The following SPARCL1 variants were observed in gnomAD, a reference collection of about 807,000 sequenced individuals.
The protein encoded by SPARCL1 is SPARC-like protein 1.
A neutral mutation model predicts 67.1 loss-of-function variants in SPARCL1; 52 were observed. The ratio of observed to expected loss-of-function variants is 0.78; its 90% CI spans 0.62 to 0.98. The LOEUF (loss-of-function observed/expected upper bound fraction) is 0.98. Ranked by LOEUF, SPARCL1 falls within the 50% of genes least tolerant of loss-of-function variation. SPARCL1 has a pLI of 0.00. For missense variants in SPARCL1, 717 were observed against 782.4 expected, an observed-to-expected ratio of 0.92 and a Z score of 1.00; for synonymous variants, 226 against 267.8, an observed-to-expected ratio of 0.84 and a Z score of 1.52.
chr4:87,475,444 T>A (rs756798307), intron 10 of SPARCL1, among the ~76,000 whole-genome samples: 1 of 152,198 alleles, frequency 6.6e-6, no homozygotes, highest in Non-Finnish European at 1.5e-5. Context: ...CTATCCATCA[T>A]CTAGATGTTG....
chr4:87,477,011 A>AT (rs553854024), intron 10 of SPARCL1, among the ~76,000 whole-genome samples: 99 of 152,246 alleles, frequency 6.5e-4, no homozygotes, highest in African/African-American at 2.3e-3. Context: ...TTATGTGATA[A>AT]TTTTTTCCTT....
intron 10 of SPARCL1, among the ~76,000 whole-genome samples, chr4:87,475,578 T>C (rs1723553299): frequency 6.6e-6 from 1 of 152,184 alleles, no homozygotes; most frequent in South Asian, 2.1e-4. Flanking sequence ...TCCTCAAATA[T>C]GCATTTCAGT....
rs776175073 is a variant in SPARCL1 at position 87,491,686 on chromosome 4, T to C, written c.1223A>G (p.Lys408Arg). 6.2e-7 allele frequency: 1 copy of C among 1,612,648 alleles called. No homozygotes were observed. ...TTEPGEHQEA[K>R]KAENSSNEEE... is the part of the protein sequence containing the mutation. ...CTCATTTGATGAGTTCTCTGCTTTC[T>C]TGGCCTTTAGAATAACAAGAGCAAA... is the stretch of plus-strand genomic sequence containing the variant. Residue 408 changes from lysine to arginine, a missense_variant, in exon 5 of 11, where the codon AAG becomes AGG. Physicochemically the swap from Lys to Arg is conservative, Grantham distance 26. Transcript: ENST00000282470.
At chr4:87,488,447 C>G (rs1463100266) in intron 7 of SPARCL1, among the ~76,000 whole-genome samples, 4 of 152,170 alleles carry the variant, frequency 2.6e-5, no homozygotes, top group Non-Finnish European at 5.9e-5. Flanking sequence ...AACATTGCTG[C>G]CTGTTCCTTC....
intron 9 of SPARCL1, 98 bp downstream of exon 9, chr4:87,480,274 G>T: frequency 9.1e-7 from 1 of 1,102,630 alleles, no homozygotes; most frequent in Non-Finnish European, 1.2e-6. Context: ...ATGGAACTGG[G>T]AAATGTCCTA....
chr4:87,509,255 C>T (rs1578111477), intron 1 of SPARCL1, among the ~76,000 whole-genome samples: 1 of 152,064 alleles, frequency 6.6e-6, no homozygotes, highest in East Asian at 1.9e-4. Flanking sequence ...TTTGCACACA[C>T]ATATTCTTTA....
intron 1 of SPARCL1, among the ~76,000 whole-genome samples, chr4:87,523,807 C>G (rs1725922612): frequency 6.6e-6 from 1 of 152,140 alleles, no homozygotes; most frequent in Non-Finnish European, 1.5e-5. Context: ...ATATATTACC[C>G]ATTTGTACAT....
intron 4 of SPARCL1, 61 bp downstream of exon 4, chr4:87,493,521 T>C: frequency 6.8e-7 from 1 of 1,462,376 alleles, no homozygotes; most frequent in Non-Finnish European, 9.3e-7. Flanking sequence ...CAGAGAAAGG[T>C]CATGACTGTT....
At position 87,493,239 on chromosome 4, in the gene SPARCL1, C is replaced by T. The variant is rs970731579; in HGVS notation, c.1218+343G>A. Among the ~76,000 whole-genome samples the T allele has an allele frequency of 5.3e-5, 8 of 152,166 alleles. 1 individual carries two copies. The highest frequency in any genetic ancestry group is 1.9e-4 in the East Asian group (1 of 5,186). On this transcript the variant is annotated intron_variant, in intron 4 of 10. Transcript: ENST00000282470. ...AAAGAAGTACCCTAGCTCCTTCAGT[C>T]GCCAAATGGAATACTTCTGAGAAAA...
Position 87,494,248 on chromosome 4 carries a change from G to GC in SPARCL1, c.551dup (p.Leu185ProfsTer26). ...GCTCTTGGTTTCCTTGATCCCTTAG[G>GC]CCTTGGCTATGTTTACTGCTCCTGT... On this transcript the variant is annotated frameshift_variant, in exon 4 of 11. Coordinates refer to ENST00000282470, the MANE Select transcript of SPARCL1 (RefSeq NM_004684.6). LOFTEE classifies it high-confidence loss of function. 1 of 1,613,880 alleles carries GC rather than the reference G, an allele frequency of 6.2e-7. No individual in the cohort carries two copies. The highest frequency in any genetic ancestry group is 8.5e-7 in the Non-Finnish European group (1 of 1,179,974).
In SPARCL1 at chr4:87,510,844, C is replaced by T. The variant is rs1170901676; in HGVS notation, c.-11-11259G>A. 7.9e-5 allele frequency among the ~76,000 whole-genome samples: 12 copies of T among 152,368 alleles called. No individual in the cohort carries two copies. The East Asian group carries it at 1.9e-3, about 24-fold the overall frequency. ...TGAGCTGATAACACACTGCTGTCTG[C>T]GGACGGTGGAGCTAAGAGTATGGTT... On this transcript the variant is annotated intron_variant, in intron 1 of 10. Transcript: ENST00000282470.
intron 1 of SPARCL1, among the ~76,000 whole-genome samples, chr4:87,522,053 C>A (rs938446701): frequency 6.6e-6 from 1 of 152,226 alleles, no homozygotes; most frequent in Non-Finnish European, 1.5e-5. Context: ...TTTTGGCTAA[C>A]ATATACGTGC....
intron 1 of SPARCL1, among the ~76,000 whole-genome samples, chr4:87,512,047 C>T (rs1725386212): frequency 6.9e-6 from 1 of 145,946 alleles, no homozygotes; most frequent in South Asian, 2.2e-4. Flanking sequence ...TCACTGCAAC[C>T]TCCACCTCCA....
chr4:87,490,193 C>T (rs977598490), intron 7 of SPARCL1, 80 bp downstream of exon 7: 3 of 1,412,296 alleles, frequency 2.1e-6, no homozygotes, highest in Non-Finnish European at 2.8e-6. Flanking sequence ...TCCCTGTTTG[C>T]ATATAGATAA....
intron 9 of SPARCL1, among the ~76,000 whole-genome samples, chr4:87,479,931 T>C (rs1723740705): frequency 6.6e-6 from 1 of 152,026 alleles, no homozygotes; most frequent in Non-Finnish European, 1.5e-5. Context: ...GAATTTACGA[T>C]CAAGAATGAG....
intron 7 of SPARCL1, among the ~76,000 whole-genome samples, chr4:87,486,554 A>G (rs930014981): frequency 6.6e-6 from 1 of 152,106 alleles, no homozygotes; most frequent in African/African-American, 2.4e-5. Flanking sequence ...TGGGGTGGAG[A>G]GTTCTGTAGA....
chr4:87,507,638 A>G (rs915326700), intron 1 of SPARCL1, among the ~76,000 whole-genome samples: 9 of 152,232 alleles, frequency 5.9e-5, no homozygotes, highest in African/African-American at 2.2e-4. Flanking sequence ...TTTGTCATCA[A>G]CATGCAAGCA....
At chr4:87,525,036 G>A (rs1725983794) in intron 1 of SPARCL1, among the ~76,000 whole-genome samples, 1 of 151,876 alleles carries the variant, frequency 6.6e-6, no homozygotes, top group Admixed American at 6.6e-5. Flanking sequence ...GGTAGTACAT[G>A]CCTGTAGTCC....
intron 1 of SPARCL1, among the ~76,000 whole-genome samples, chr4:87,512,221 G>A (rs1317786847): frequency 3.3e-5 from 5 of 152,060 alleles, no homozygotes; most frequent in Non-Finnish European, 5.9e-5. Flanking sequence ...ACCTGCCTCA[G>A]CCCCCTGGAA....
Sources: gnomAD v4.1 joint callset for allele counts (sites outside exome capture counted in the v4.1 genomes callset) on GRCh38, gnomAD v4.1.1 for gene constraint, MANE v1.5 for transcripts, NCBI Gene and HGNC (gene_info 2026-07-23, HGNC 2026-07-21) for gene names.